Variants in FSD1L observed in about 807,000 individuals in gnomAD.
The protein encoded by FSD1L is fibronectin type III and SPRY domain containing 1 like, also known as FSD1-like protein.
FSD1L carries 45 observed loss-of-function variants against 71.6 expected under a neutral mutation model. The ratio of observed to expected loss-of-function variants is 0.63; its 90% CI spans 0.49 to 0.81. The LOEUF (loss-of-function observed/expected upper bound fraction) is 0.81, where lower values mean the gene tolerates loss of function less well. FSD1L is among the 30% of genes least tolerant of loss of function. The probability of loss-of-function intolerance (pLI) is 0.00; values close to 1 mark genes in which losing one functional copy is unlikely to be tolerated. For missense variants in FSD1L, 561 were observed against 618.1 expected, an observed-to-expected ratio of 0.91 and a Z score of 0.98; for synonymous variants, 197 against 207.2, an observed-to-expected ratio of 0.95 and a Z score of 0.42.
At chr9:105,492,737 C>T (rs1287468434) in intron 7 of FSD1L, among the ~76,000 whole-genome samples, 2 of 152,120 alleles carry the variant, frequency 1.3e-5, no homozygotes, top group African/African-American at 4.8e-5. Context: ...ATCTTTATTT[C>T]TGCCGTCATT....
chr9:105,448,373 G>A (rs1056025518), intron 1 of FSD1L, 138 bp downstream of exon 1: 9 of 749,206 alleles, frequency 1.2e-5, no homozygotes, highest in African/African-American at 1.1e-4. Context: ...GGAGGGCAAG[G>A]CCGCCCGGCC....
chr9:105,506,155 A>AG lies in FSD1L; in HGVS notation c.587-244_587-243insG, dbSNP rs138726841. Among the ~76,000 whole-genome samples, 1,402 of 152,336 alleles carry AG rather than the reference A, an allele frequency of 9.2e-3. 22 individuals are homozygous for AG. Among genetic ancestry groups the AG allele is most frequent in the African/African-American group, 0.032 (1,342 of 41,576 alleles). The stretch of plus-strand genomic sequence containing the variant: ...ATATTCTACAGCTATTTGAAATATC[A>AG]ATTAAAAATATAATGTGTTCAGAAG... On this transcript the variant is annotated intron_variant, in intron 7 of 13. Transcript: ENST00000481272.
chr9:105,539,254 CT>C lies in FSD1L; in HGVS notation c.1379-3del, dbSNP rs777292310. 2.4e-5 allele frequency: 32 copies of C among 1,337,784 alleles called. No homozygotes were observed. The highest frequency in any genetic ancestry group is 3.2e-5 in the Non-Finnish European group (31 of 982,310). The allele number at this position is 1,337,784 out of a possible 1,614,324, so 82.9% of individuals were successfully genotyped here. On this transcript the variant is annotated splice_polypyrimidine_tract_variant and splice_region_variant and intron_variant, in intron 12 of 13. Coordinates refer to ENST00000481272, the MANE Select transcript of FSD1L (RefSeq NM_001145313.3). The stretch of plus-strand genomic sequence containing the variant: ...ATAATAAATTAGGCTTTTTTTCCTT[CT>C]TTTTTAGGTCAACTTTCATTCTATG...
At chr9:105,498,642 G>T (rs192871535) in intron 7 of FSD1L, among the ~76,000 whole-genome samples, 1 of 152,234 alleles carries the variant, frequency 6.6e-6, no homozygotes, top group Admixed American at 6.5e-5. Flanking sequence ...GACCATATGT[G>T]CATTCAGTGT....
intron 5 of FSD1L, among the ~76,000 whole-genome samples, chr9:105,478,329 A>G (rs1435959832): frequency 2.6e-5 from 4 of 152,222 alleles, no homozygotes; most frequent in Non-Finnish European, 1.5e-5. Context: ...AAAATGACCA[A>G]TAATGAATAG....
At chr9:105,492,699 G>T (rs1416172515) in intron 7 of FSD1L, among the ~76,000 whole-genome samples, 1 of 152,018 alleles carries the variant, frequency 6.6e-6, no homozygotes, top group Admixed American at 6.6e-5. Flanking sequence ...GGTATGTTTT[G>T]TCTTTGTTCT....
At chr9:105,520,513 A>G in intron 10 of FSD1L, 14 of 1,134,320 alleles carry the variant, frequency 1.2e-5, no homozygotes, top group Non-Finnish European at 1.7e-5. Context: ...TATACTTTTT[A>G]TTTTTGAGAA....
chr9:105,512,720 G>A (rs1307078033), intron 9 of FSD1L, 87 bp from the exon 10 acceptor site: 4 of 693,412 alleles, frequency 5.8e-6, no homozygotes, highest in East Asian at 3.1e-5. Flanking sequence ...AATTGATTGA[G>A]TAGGAAAATA....
intron 10 of FSD1L, among the ~76,000 whole-genome samples, chr9:105,515,782 C>T (rs909514937): frequency 1.3e-5 from 2 of 148,824 alleles, no homozygotes; most frequent in Non-Finnish European, 3.0e-5. Context: ...AAACTAGCTG[C>T]AGAAGGTTTT....
Position 105,494,395 on chromosome 9 carries a change from C to A in FSD1L, c.586+9893C>A, listed in dbSNP as rs560399567. Among the ~76,000 whole-genome samples, 7 of 152,238 alleles carry A rather than the reference C, an allele frequency of 4.6e-5. No individual in the cohort carries two copies. In the East Asian group the frequency reaches 1.4e-3, roughly 29 times the overall value. On this transcript the variant is annotated intron_variant, in intron 7 of 13. Coordinates refer to ENST00000481272, the MANE Select transcript of FSD1L (RefSeq NM_001145313.3). ...CTCTGTATTGGTTATTCTAGTTATA[C>A]ATTCGTCTAAATTTTTTTCAAAGTT...
intron 7 of FSD1L, among the ~76,000 whole-genome samples, chr9:105,499,408 T>C (rs1220319936): frequency 6.6e-6 from 1 of 152,196 alleles, no homozygotes; most frequent in African/African-American, 2.4e-5. Context: ...TGTTTCTTTG[T>C]CTTTAAAGAA....
chr9:105,537,323 T>C (rs1364063625), intron 12 of FSD1L, among the ~76,000 whole-genome samples: 1 of 152,218 alleles, frequency 6.6e-6, no homozygotes, highest in Non-Finnish European at 1.5e-5. Context: ...AATTTTGGCT[T>C]GATTTATTTT....
intron 10 of FSD1L, chr9:105,520,931 A>C: frequency 6.2e-7 from 1 of 1,612,032 alleles, no homozygotes; most frequent in Non-Finnish European, 8.5e-7. Flanking sequence ...AAAGTTTAGA[A>C]TGGAAGAACA....
chr9:105,505,341 A>G (rs940495670), intron 7 of FSD1L, among the ~76,000 whole-genome samples: 5 of 152,114 alleles, frequency 3.3e-5, no homozygotes, highest in African/African-American at 4.8e-5. Flanking sequence ...GCTCACTGCA[A>G]TCTCTGCCTC....
intron 7 of FSD1L, among the ~76,000 whole-genome samples, chr9:105,491,909 T>C (rs2090623789): frequency 6.6e-6 from 1 of 152,202 alleles, no homozygotes; most frequent in Non-Finnish European, 1.5e-5. Context: ...GCCATTATCT[T>C]ATTGAGGATT....
intron 10 of FSD1L, among the ~76,000 whole-genome samples, chr9:105,515,850 C>T (rs865973462): frequency 1.3e-5 from 2 of 151,534 alleles, no homozygotes; most frequent in Non-Finnish European, 2.9e-5. Flanking sequence ...GAACCATTCA[C>T]ACCTTTGGAA....
At chr9:105,442,632 G>C in the FSD1L span, among the ~76,000 whole-genome samples, 1 of 151,918 alleles carries the variant, frequency 6.6e-6, no homozygotes, top group Non-Finnish European at 1.5e-5. Flanking sequence ...AGGTTGCAGT[G>C]AGCCGAGATT....
chr9:105,479,877 C>T (rs1353083380), intron 6 of FSD1L, among the ~76,000 whole-genome samples: 3 of 152,060 alleles, frequency 2.0e-5, no homozygotes, highest in African/African-American at 7.2e-5. Flanking sequence ...TTTCTAATGC[C>T]ACCACTATCT....
At chr9:105,516,307 C>G (rs116859090) in intron 10 of FSD1L, among the ~76,000 whole-genome samples, 1 of 152,194 alleles carries the variant, frequency 6.6e-6, no homozygotes, top group African/African-American at 2.4e-5. Context: ...CTGAAGAAAG[C>G]AGCGGACCTC....
Sources: allele counts gnomAD v4.1 joint callset (sites outside exome capture counted in the v4.1 genomes callset), GRCh38; gene constraint gnomAD v4.1.1; transcripts MANE v1.5; gene names NCBI Gene and HGNC (gene_info 2026-07-23, HGNC 2026-07-21).